SVEP1: variants seen among roughly 807,000 people sequenced by gnomAD.
SVEP1 encodes sushi, von Willebrand factor type A, EGF and pentraxin domain-containing protein 1.
SVEP1 carries 164 observed loss-of-function variants against 367.3 expected under a neutral mutation model. The observed-to-expected ratio is 0.45, with a 90% CI of 0.39 to 0.51. The LOEUF is 0.51. SVEP1 is among the 20% of genes least tolerant of loss of function. The pLI is 0.00. For synonymous variants in SVEP1, 1,666 were observed against 1,611.6 expected (o/e 1.03, Z -0.81); for missense variants, 4,117 against 4,425.3 (o/e 0.93, Z 1.98).
chr9:110,437,149 T>C (rs939252821), intron 27 of SVEP1, among the ~76,000 whole-genome samples: 1 of 152,138 alleles, frequency 6.6e-6, no homozygotes, highest in Non-Finnish European at 1.5e-5. Flanking sequence ...TTGCCCCGTC[T>C]TCTCTTTGTT....
chr9:110,495,710 T>C (rs1829435692), intron 8 of SVEP1, among the ~76,000 whole-genome samples: 2 of 152,102 alleles, frequency 1.3e-5, no homozygotes, highest in African/African-American at 4.8e-5. Flanking sequence ...TTAATGTATA[T>C]GAATACTAAC....
At chr9:110,403,884 C>A (rs1827911355) in intron 39 of SVEP1, among the ~76,000 whole-genome samples, 1 of 147,740 alleles carries the variant, frequency 6.8e-6, no homozygotes, top group African/African-American at 2.5e-5. Context: ...ATAAGGAAAC[C>A]AAAGTTCAGA....
At chr9:110,448,787 A>T (rs1251781821) in intron 24 of SVEP1, among the ~76,000 whole-genome samples, 1 of 152,222 alleles carries the variant, frequency 6.6e-6, no homozygotes, top group Non-Finnish European at 1.5e-5. Context: ...TATGTACTAT[A>T]TGCCAGAAAA....
At chr9:110,573,079 T>C (rs548324874) in intron 1 of SVEP1, among the ~76,000 whole-genome samples, 3 of 152,196 alleles carry the variant, frequency 2.0e-5, no homozygotes, top group Admixed American at 2.0e-4. Context: ...ATAAAGAACT[T>C]AGCTGATGCA....
chr9:110,534,830 G>A (rs73534535), intron 3 of SVEP1, among the ~76,000 whole-genome samples: 3,246 of 151,878 alleles, frequency 0.021, 108 homozygotes, highest in African/African-American at 0.072. Flanking sequence ...CTTTGAAAAC[G>A]GTCTGTTCAT....
At position 110,400,872 on chromosome 9, in the gene SVEP1, C is replaced by T; in HGVS notation, c.9804G>A (p.Glu3268=). ...TFESTIIYQC[E]PGYELEGNRE... ...CGCTTACCTCTAGTTCATAGCCAGG[C>T]TCACACTGATAAATAATTGTGCTTT... Residue 3268 remains glutamate, a synonymous_variant, in exon 40 of 48, where the codon GAG becomes GAA. Coordinates refer to ENST00000374469, the MANE Select transcript of SVEP1 (RefSeq NM_153366.4). 5 of 1,613,690 alleles carry T rather than the reference C, an allele frequency of 3.1e-6. No individual in the cohort carries two copies. Among genetic ancestry groups the T allele is most frequent in the East Asian group, 2.2e-5 (1 of 44,858 alleles).
chr9:110,502,981 A>C (rs930030321), intron 6 of SVEP1, 57 bp downstream of exon 6: 6 of 1,545,742 alleles, frequency 3.9e-6, no homozygotes, highest in Middle Eastern at 1.8e-4. Context: ...AGAATACTGG[A>C]GAAATCAGAG....
chr9:110,409,077 A>G (rs888993659), intron 37 of SVEP1, 126 bp from the exon 38 acceptor site: 3 of 1,060,868 alleles, frequency 2.8e-6, no homozygotes, highest in Non-Finnish European at 3.9e-6. Flanking sequence ...AAGTAAGCAA[A>G]TAATGATTTA....
intron 2 of SVEP1, among the ~76,000 whole-genome samples, chr9:110,546,514 T>C (rs1439690663): frequency 6.6e-6 from 1 of 152,174 alleles, no homozygotes; most frequent in Non-Finnish European, 1.5e-5. Context: ...TGGGACCTCA[T>C]CATAAGTTCT....
intron 1 of SVEP1, among the ~76,000 whole-genome samples, chr9:110,571,206 T>C (rs1253648824): frequency 1.3e-5 from 2 of 152,016 alleles, no homozygotes; most frequent in Non-Finnish European, 2.9e-5. Flanking sequence ...TGACCTCAGG[T>C]GATCCACCTG....
intron 3 of SVEP1, among the ~76,000 whole-genome samples, chr9:110,541,842 GATATCTATA>G (rs1588100194): frequency 7.9e-6 from 1 of 126,748 alleles, no homozygotes; most frequent in Non-Finnish European, 1.7e-5. Flanking sequence ...TATATACATA[GATATCTATA>G]TATATCTATA....
rs1376209664 is a variant in SVEP1, at chr9:110,469,088, C to T, written c.3012G>A (p.Leu1004=). 1 of 1,611,828 alleles carries T rather than the reference C, an allele frequency of 6.2e-7. No individual in the cohort carries two copies. The highest frequency in any genetic ancestry group is 2.2e-5 in the East Asian group (1 of 44,860). Residue 1004 remains leucine (L), a synonymous_variant, in exon 17 of 48, where the codon TTG becomes TTA. Transcript: ENST00000374469. ...LRGRMCVNCP[L]GTYYNLEHFT... ...AATGTTCCAGATTATAATAGGTTCCCAAAGGGCAATTGACTACAGAAAAAG... is the reference window on the plus strand; with the variant it reads ...AATGTTCCAGATTATAATAGGTTCCTAAAGGGCAATTGACTACAGAAAAAG...
At position 110,446,111 on chromosome 9, in the gene SVEP1, T is replaced by G. The variant is rs186596683; in HGVS notation, c.4262-73A>C. Reference sequence around the variant, plus strand: ...TTCCAATTGTCAGAGGAAGCAGTGCTATTGTCAAAGAAGCTCATTTCAGTG... The same window carrying G: ...TTCCAATTGTCAGAGGAAGCAGTGCGATTGTCAAAGAAGCTCATTTCAGTG... On this transcript the variant is annotated intron_variant, in intron 25 of 47. Transcript: ENST00000374469. 6.5e-6 allele frequency: 9 copies of G among 1,378,520 alleles called. No homozygotes were observed. The Admixed American group carries it at 1.5e-4, about 24-fold the overall frequency. 85.4% of individuals were successfully genotyped at this position (1,378,520 alleles called of 1,614,324 possible).
At chr9:110,572,974 T>C (rs1830584111) in intron 1 of SVEP1, among the ~76,000 whole-genome samples, 1 of 152,012 alleles carries the variant, frequency 6.6e-6, no homozygotes, top group South Asian at 2.1e-4. Flanking sequence ...GATTCCTATA[T>C]AATACTAGGG....
At chr9:110,467,876 A>C (rs922739747) in intron 17 of SVEP1, among the ~76,000 whole-genome samples, 17 of 151,878 alleles carry the variant, frequency 1.1e-4, no homozygotes, top group Middle Eastern at 3.2e-3. Context: ...GCTCAAACAA[A>C]CTGCCTGCCT....
chr9:110,369,796 T>C (rs911199068), intron 47 of SVEP1, 127 bp downstream of exon 47: 4 of 711,604 alleles, frequency 5.6e-6, no homozygotes, highest in Non-Finnish European at 9.0e-6. Context: ...TGTCTCAAAA[T>C]GGATGTTTTC....
chr9:110,479,195 G>A (rs886449494), intron 13 of SVEP1, among the ~76,000 whole-genome samples: 1 of 152,048 alleles, frequency 6.6e-6, no homozygotes, highest in Middle Eastern at 3.2e-3. Flanking sequence ...TGGGATTACA[G>A]GCGTGAGCCA....
intron 22 of SVEP1, among the ~76,000 whole-genome samples, chr9:110,455,091 C>T (rs1044135601): frequency 1.3e-5 from 2 of 152,228 alleles, no homozygotes; most frequent in East Asian, 1.9e-4. Flanking sequence ...AGGATACATG[C>T]GCCTGAAGTC....
chr9:110,476,630 C>T (rs752207317), intron 13 of SVEP1, among the ~76,000 whole-genome samples: 2 of 152,142 alleles, frequency 1.3e-5, no homozygotes, highest in Non-Finnish European at 2.9e-5. Flanking sequence ...GACCCCATCT[C>T]CCACTCCTCT....
Sources: gnomAD v4.1 joint callset for allele counts (sites outside exome capture counted in the v4.1 genomes callset) on GRCh38, gnomAD v4.1.1 for gene constraint, MANE v1.5 for transcripts, NCBI Gene and HGNC (gene_info 2026-07-23, HGNC 2026-07-21) for gene names.